CFAP65: variants seen among roughly 807,000 people sequenced by gnomAD.
CFAP65 encodes cilia- and flagella-associated protein 65.
In CFAP65, 155 loss-of-function variants were observed where a neutral mutation model predicts 208.0. The observed-to-expected ratio is 0.75, with a 90% CI of 0.65 to 0.85. CFAP65 has a LOEUF of 0.85. CFAP65 is among the 40% of genes least tolerant of loss of function. CFAP65 has a pLI of 0.00. For missense variants in CFAP65, 2,294 were observed against 2,451.3 expected (o/e 0.94, Z 1.36); for synonymous variants, 970 against 986.3 (o/e 0.98, Z 0.31).
intron 24 of CFAP65, among the ~76,000 whole-genome samples, chr2:219,012,942 A>G (rs1946583749): frequency 6.6e-6 from 1 of 152,228 alleles, no homozygotes; most frequent in South Asian, 2.1e-4. Flanking sequence ...ACTGGGGTGT[A>G]AGCATATATA....
At chr2:219,023,120 A>T in intron 16 of CFAP65, 87 bp downstream of exon 16, 1 of 1,152,702 alleles carries the variant, frequency 8.7e-7, no homozygotes, top group Non-Finnish European at 1.3e-6. Context: ...TGGGGGCTGC[A>T]CATGGCAAGT....
intron 2 of CFAP65, 63 bp downstream of exon 2, chr2:219,040,456 A>G (rs1487466048): frequency 1.1e-6 from 1 of 890,774 alleles, no homozygotes; most frequent in African/African-American, 1.7e-5. Context: ...TCATTCACAA[A>G]GCACTTACTA....
Position 219,027,702 on chromosome 2 carries a change from G to A in CFAP65, c.2159C>T (p.Pro720Leu). The A allele has an allele frequency of 6.2e-7, 1 of 1,614,082 alleles. No individual in the cohort carries two copies. The highest frequency in any genetic ancestry group is 8.5e-7 in the Non-Finnish European group (1 of 1,180,028). Reference protein sequence around the residue: ...SMAMRLHFQPPHPNCLYTVEL... With the variant: ...SMAMRLHFQPLHPNCLYTVEL... Reference sequence around the variant, plus strand: ...CACCGTGTAAAGGCAGTTGGGGTGAGGCGGCTGGAAGTGCAGGCGCATGGC... The same window carrying A: ...CACCGTGTAAAGGCAGTTGGGGTGAAGCGGCTGGAAGTGCAGGCGCATGGC... The change falls in exon 13 of 35, where the codon CCT becomes CTT. Residue 720 changes from proline (P) to leucine (L), a missense_variant. Pro to Leu is a moderately conservative substitution (Grantham distance 98). Coordinates refer to ENST00000341552, the MANE Select transcript of CFAP65 (RefSeq NM_194302.4).
rs1352675905 is a variant in CFAP65, at chr2:219,029,574, C to T, written c.1479G>A (p.Ser493=). 13 of 1,614,006 alleles carry T rather than the reference C, an allele frequency of 8.1e-6. No homozygotes were observed. Among genetic ancestry groups the T allele is most frequent in the Admixed American group, 1.7e-5 (1 of 60,000 alleles). ...SEQPLWIENQ[S]DCTAHFQFAI... is the part of the protein sequence containing the mutation. Reference sequence around the variant, plus strand: ...CAAACTGGAAGTGGGCCGTGCAGTCCGATTGGTTCTCAATCCACAGGGGCT... The same window carrying T: ...CAAACTGGAAGTGGGCCGTGCAGTCTGATTGGTTCTCAATCCACAGGGGCT... The change falls in exon 11 of 35, where the codon TCG becomes TCA. Residue 493 remains serine, a synonymous_variant. Coordinates refer to ENST00000341552, the MANE Select transcript of CFAP65 (RefSeq NM_194302.4).
At chr2:219,010,429 G>T in intron 26 of CFAP65, 117 bp downstream of exon 26, 1 of 1,107,440 alleles carries the variant, frequency 9.0e-7, no homozygotes, top group Admixed American at 3.0e-5. Flanking sequence ...CTCTGCCTCT[G>T]TCCCTCCTCA....
chr2:219,037,924 G>T (rs1296548295), intron 4 of CFAP65, among the ~76,000 whole-genome samples: 1 of 152,162 alleles, frequency 6.6e-6, no homozygotes, highest in Non-Finnish European at 1.5e-5. Flanking sequence ...AAAGTAAACA[G>T]TATCCATACA....
At position 219,030,058 on chromosome 2, in the gene CFAP65, C is replaced by T. The variant is rs1215926620; in HGVS notation, c.1312G>A (p.Val438Met). ...GAAGGCATGATGGAGCAGTAGTCCA[C>T]AGTTCTGGTGTCCAGAGTCTTGGGG... is the stretch of plus-strand genomic sequence containing the variant. ...FHPKTLDTRTVDYCSIMPSGC... is the reference protein window; with the variant it reads ...FHPKTLDTRTMDYCSIMPSGC... The change falls in exon 10 of 35, where the codon GTG becomes ATG. Residue 438 changes from valine to methionine, a missense_variant. Val to Met is a conservative substitution (Grantham distance 21). Coordinates refer to ENST00000341552, the MANE Select transcript of CFAP65 (RefSeq NM_194302.4). 3 of 1,613,986 alleles carry T rather than the reference C, an allele frequency of 1.9e-6. No homozygotes were observed. The highest frequency in any genetic ancestry group is 2.7e-5 in the African/African-American group (2 of 74,900).
chr2:219,029,007 C>T (rs1947840312), intron 11 of CFAP65, among the ~76,000 whole-genome samples: 1 of 152,214 alleles, frequency 6.6e-6, no homozygotes, highest in African/African-American at 2.4e-5. Flanking sequence ...TGGGGTCTAA[C>T]TTGAAAGCTC....
chr2:219,025,986 C>T (rs1167030194), intron 14 of CFAP65, 36 bp downstream of exon 14: 5 of 1,607,770 alleles, frequency 3.1e-6, no homozygotes, highest in African/African-American at 1.3e-5. Context: ...TAGGGCTCCC[C>T]TGTCTCCCTC....
intron 21 of CFAP65, 146 bp downstream of exon 21, chr2:219,018,904 TG>T: frequency 9.2e-7 from 1 of 1,090,390 alleles, no homozygotes; most frequent in Non-Finnish European, 1.4e-6. Flanking sequence ...AGTTCCACCC[TG>T]GCCTCCACAG....
intron 4 of CFAP65, among the ~76,000 whole-genome samples, chr2:219,036,101 C>T (rs1201048706): frequency 6.6e-6 from 1 of 152,168 alleles, no homozygotes; most frequent in East Asian, 1.9e-4. Context: ...TATCCCAGGC[C>T]CTTTTCCAGA....
chr2:219,038,645 T>C (rs767818762), intron 3 of CFAP65, 67 bp from the exon 4 acceptor site: 3 of 1,420,798 alleles, frequency 2.1e-6, no homozygotes, highest in East Asian at 4.7e-5. Flanking sequence ...GGGAGGAGAC[T>C]CTCATGGCCA....
intron 24 of CFAP65, among the ~76,000 whole-genome samples, chr2:219,012,135 T>C (rs557038683): frequency 1.1e-4 from 17 of 152,340 alleles, no homozygotes; most frequent in Admixed American, 7.2e-4. Flanking sequence ...TAAATTATAA[T>C]AAATTAAATT....
rs1477599291 is a variant in CFAP65, at chr2:219,030,758, C to T, written c.1092G>A (p.Leu364=). ...EDQDAEGFQK[L]LYFGSVAVGC... is the part of the protein sequence containing the mutation. ...CCACAGCAACAGAGCCAAAGTACAA[C>T]AGCTTCTGGAAGCCCTCGGCATCCT... is the stretch of plus-strand genomic sequence containing the variant. The change falls in exon 9 of 35, where the codon CTG becomes CTA. Residue 364 remains leucine, a synonymous_variant. Transcript: ENST00000341552. 6.2e-7 allele frequency: 1 copy of T among 1,614,204 alleles called. No individual in the cohort carries two copies.
Position 219,005,532 on chromosome 2 carries a change from T to A in CFAP65, c.4953A>T (p.Glu1651Asp). The A allele has an allele frequency of 6.2e-7, 1 of 1,612,570 alleles. No individual in the cohort carries two copies. Among genetic ancestry groups the A allele is most frequent in the Admixed American group, 1.7e-5 (1 of 60,016 alleles). Residue 1651 changes from glutamate to aspartate, a missense_variant, in exon 32 of 35, where the codon GAA (glutamate) becomes GAT (aspartate). By Grantham distance (45) the Glu-to-Asp change is conservative. Transcript: ENST00000341552. ...ATTTTTCCTCAGAAGTCTCTGACTC[T>A]TCCCTGGGGGCCTTCCTCTTTGGCA... is the stretch of plus-strand genomic sequence containing the variant. ...RELPKRKAPR[E>D]ESETSEEKSP...
At position 219,031,690 on chromosome 2, in the gene CFAP65, C is replaced by T. The variant is rs1199590049; in HGVS notation, c.646-32G>A. The T allele has an allele frequency of 1.9e-6, 3 of 1,568,378 alleles. No homozygotes were observed. Among genetic ancestry groups the T allele is most frequent in the Admixed American group, 1.8e-5 (1 of 56,474 alleles). On this transcript the variant is annotated intron_variant, in intron 6 of 34. Coordinates refer to ENST00000341552, the MANE Select transcript of CFAP65 (RefSeq NM_194302.4). This position sits in a 1 kb window ranked among gnomAD's most constrained non-coding sequence, Gnocchi z 5.2. The stretch of plus-strand genomic sequence containing the variant: ...TGTGAGGCGGGGCAGGGGCAGTCAC[C>T]CATCAGTGGCATTCAGGGACTGCAC...
At chr2:219,040,070 G>C (rs1269793441) in intron 2 of CFAP65, among the ~76,000 whole-genome samples, 1 of 151,882 alleles carries the variant, frequency 6.6e-6, no homozygotes, top group Non-Finnish European at 1.5e-5. Context: ...CTCTCATTCT[G>C]TTGCCCAGGC....
chr2:219,027,698 G>A lies in CFAP65; in HGVS notation c.2163C>T (p.His721=), dbSNP rs1289525206. The A allele has an allele frequency of 1.2e-6, 2 of 1,614,074 alleles. No homozygotes were observed. Among genetic ancestry groups the A allele is most frequent in the African/African-American group, 1.3e-5 (1 of 75,058 alleles). Residue 721 remains histidine (H), a synonymous_variant, in exon 13 of 35, where the codon CAC becomes CAT. Coordinates refer to ENST00000341552, the MANE Select transcript of CFAP65 (RefSeq NM_194302.4). ...MAMRLHFQPP[H]PNCLYTVELE... ...GCTCCACCGTGTAAAGGCAGTTGGG[G>A]TGAGGCGGCTGGAAGTGCAGGCGCA...
In CFAP65 at chr2:219,031,626, T is replaced by C; in HGVS notation, c.678A>G (p.Lys226=). Residue 226 remains lysine, a synonymous_variant, in exon 7 of 35, where the codon AAA becomes AAG. Transcript: ENST00000341552. The surrounding 1 kb of genome is among the most constrained non-coding windows in gnomAD (Gnocchi z 5.2). Reference sequence around the variant, plus strand: ...GGCCGACACAGAACATCCCCTCCGCTTTCTCAAACCACAGCTGGTCCATGT... The same window carrying C: ...GGCCGACACAGAACATCCCCTCCGCCTTCTCAAACCACAGCTGGTCCATGT... ...KEYMDQLWFE[K]AEGMFCVGLR... The C allele has an allele frequency of 6.2e-7, 1 of 1,613,472 alleles. No homozygotes were observed. Among genetic ancestry groups the C allele is most frequent in the Non-Finnish European group, 8.5e-7 (1 of 1,179,688 alleles).
Sources: gnomAD v4.1 joint callset for allele counts (sites outside exome capture counted in the v4.1 genomes callset) on GRCh38, gnomAD v4.1.1 for gene constraint, Gnocchi (gnomAD v3.1) non-coding constraint, MANE v1.5 for transcripts, NCBI Gene and HGNC (gene_info 2026-07-23, HGNC 2026-07-21) for gene names.